The following GPRIN3 variants were observed in gnomAD, a reference collection of about 807,000 sequenced individuals.
The protein encoded by GPRIN3 is GPRIN family member 3.
In GPRIN3, 12 loss-of-function variants were observed where a neutral mutation model predicts 13.7. The ratio of observed to expected loss-of-function variants is 0.87; its 90% CI spans 0.56 to 1.42. The LOEUF is 1.42. Ranked by LOEUF, GPRIN3 falls within the 40% of genes most tolerant of loss-of-function variation. The probability of loss-of-function intolerance (pLI) is 0.00; values close to 1 mark genes in which losing one functional copy is unlikely to be tolerated. For missense variants in GPRIN3, 1,009 were observed against 958.7 expected (o/e 1.05, Z -0.69); for synonymous variants, 377 against 372.7 (o/e 1.01, Z -0.13).
intron 1 of GPRIN3, among the ~76,000 whole-genome samples, chr4:89,301,726 G>C (rs753758406): frequency 6.6e-6 from 1 of 152,264 alleles, no homozygotes; most frequent in Non-Finnish European, 1.5e-5. Context: ...TGCAATTCAA[G>C]TTTTAAAAAA....
intron 1 of GPRIN3, among the ~76,000 whole-genome samples, chr4:89,281,272 C>A (rs899466598): frequency 2.6e-4 from 40 of 152,120 alleles, no homozygotes; most frequent in African/African-American, 8.7e-4. Context: ...TACAGGCACC[C>A]GCCACCACAC....
intron 1 of GPRIN3, among the ~76,000 whole-genome samples, chr4:89,297,845 G>C (rs80012935): frequency 0.014 from 2,120 of 152,306 alleles, 55 homozygotes; most frequent in South Asian, 0.078. Flanking sequence ...GGGTGGAAGA[G>C]CTTCCTGAGA....
At chr4:89,285,075 G>T (rs554474288) in intron 1 of GPRIN3, among the ~76,000 whole-genome samples, 1 of 152,110 alleles carries the variant, frequency 6.6e-6, no homozygotes, top group East Asian at 1.9e-4. Context: ...AGCTCAAGGG[G>T]ACAGACAGCT....
At chr4:89,304,771 CCT>C (rs929805430) in intron 1 of GPRIN3, among the ~76,000 whole-genome samples, 1 of 152,042 alleles carries the variant, frequency 6.6e-6, no homozygotes, top group Admixed American at 6.5e-5. Flanking sequence ...ATTCTTTTCC[CCT>C]GAGCCCTATT....
intron 1 of GPRIN3, among the ~76,000 whole-genome samples, chr4:89,264,429 T>C (rs887370364): frequency 3.3e-5 from 5 of 152,200 alleles, no homozygotes; most frequent in African/African-American, 1.2e-4. Flanking sequence ...GAAATAAACC[T>C]CTTTTCTTAA....
In GPRIN3 at chr4:89,238,564, T is replaced by C; in HGVS notation, c.*9216A>G. The C allele has an allele frequency of 1.5e-5, 2 of 136,130 alleles. No individual in the cohort carries two copies. The highest frequency in any genetic ancestry group is 2.8e-5 in the African/African-American group (1 of 35,548). 8.4% of individuals were successfully genotyped at this position (136,130 alleles called of 1,614,324 possible). On this transcript the variant is annotated 3_prime_UTR_variant, in exon 2 of 2. Coordinates refer to ENST00000609438, the MANE Select transcript of GPRIN3 (RefSeq NM_198281.3). ...CGCCTGTATTTTCACAATGCTCAGC[T>C]CTCATCATTCTCACCAAACAACACA...
rs1465334736 is a variant in GPRIN3, at chr4:89,250,154, G to T, written c.-44C>A. The stretch of plus-strand genomic sequence containing the variant: ...CACTCCAGAGCTCTCTTGAGTACTG[G>T]TCCCACTGGTGGGGGAGGGGAGCGC... On this transcript the variant is annotated 5_prime_UTR_variant, in exon 2 of 2. Coordinates refer to ENST00000609438, the MANE Select transcript of GPRIN3 (RefSeq NM_198281.3). The T allele has an allele frequency of 6.4e-7, 1 of 1,559,938 alleles. No individual in the cohort carries two copies. The highest frequency in any genetic ancestry group is 1.2e-5 in the South Asian group (1 of 82,176).
intron 1 of GPRIN3, among the ~76,000 whole-genome samples, chr4:89,270,589 ATATATATATAT>A (rs1561205713): frequency 4.0e-5 from 5 of 126,582 alleles, no homozygotes; most frequent in African/African-American, 1.8e-4. Context: ...ATATATATAT[ATATATATATAT>A]AAAATATAGA....
In GPRIN3 at chr4:89,238,376, A is replaced by G. The variant is rs973333898; in HGVS notation, c.*9404T>C. ...ATGGCTGGGCTTTCCATCTCCTTCT[A>G]GGAATCCAGACTGCAGGATCCCAGT... On this transcript the variant is annotated 3_prime_UTR_variant, in exon 2 of 2. Transcript: ENST00000609438. 6.6e-6 allele frequency: 1 copy of G among 152,156 alleles called. No individual in the cohort carries two copies. The highest frequency in any genetic ancestry group is 1.5e-5 in the Non-Finnish European group (1 of 68,066). The allele number at this position is 152,156 out of a possible 1,614,324, so 9.4% of individuals were successfully genotyped here. A position where few individuals can be genotyped will look rare whatever the true frequency, so the allele number is the denominator to read the frequency against.
intron 1 of GPRIN3, among the ~76,000 whole-genome samples, chr4:89,279,679 C>A (rs934307536): frequency 2.6e-5 from 4 of 152,230 alleles, no homozygotes; most frequent in African/African-American, 4.8e-5. Context: ...GCCTTCTCTG[C>A]AGCACTCCAT....
intron 1 of GPRIN3, among the ~76,000 whole-genome samples, chr4:89,303,974 A>G (rs1724970979): frequency 6.6e-6 from 1 of 152,092 alleles, no homozygotes; most frequent in African/African-American, 2.4e-5. Context: ...TCTTTTCTAA[A>G]TGATTCTTAA....
At position 89,249,892 on chromosome 4, in the gene GPRIN3, G is replaced by A. The variant is rs758127851; in HGVS notation, c.219C>T (p.Thr73=). The part of the protein sequence containing the change: ...EALMQVCEHE[T]TQPDMSSPGV... Reference sequence around the variant, plus strand: ...CAGGAGAAGACATATCTGGTTGGGTGGTCTCATGCTCACAAACCTGCATCA... The same window carrying A: ...CAGGAGAAGACATATCTGGTTGGGTAGTCTCATGCTCACAAACCTGCATCA... The change falls in exon 2 of 2, where the codon ACC becomes ACT. Residue 73 remains threonine (T), a synonymous_variant. Coordinates refer to ENST00000609438, the MANE Select transcript of GPRIN3 (RefSeq NM_198281.3). The A allele has an allele frequency of 1.2e-6, 2 of 1,614,206 alleles. No individual in the cohort carries two copies. Among genetic ancestry groups the A allele is most frequent in the South Asian group, 2.2e-5 (2 of 91,084 alleles).
At chr4:89,296,763 T>C (rs1007713822) in intron 1 of GPRIN3, among the ~76,000 whole-genome samples, 4 of 152,248 alleles carry the variant, frequency 2.6e-5, no homozygotes, top group South Asian at 2.1e-4. Context: ...GCTGAACATA[T>C]GTGTTACCTG....
intron 1 of GPRIN3, among the ~76,000 whole-genome samples, chr4:89,296,788 T>G (rs991728077): frequency 1.3e-5 from 2 of 152,242 alleles, no homozygotes; most frequent in African/African-American, 4.8e-5. Context: ...TTTGATAAAA[T>G]TTATGTTTGC....
intron 1 of GPRIN3, among the ~76,000 whole-genome samples, chr4:89,293,581 G>A (rs181034453): frequency 7.9e-5 from 12 of 152,302 alleles, no homozygotes; most frequent in Admixed American, 7.2e-4. Flanking sequence ...AGTCCCTTTC[G>A]GGCTGTTCAA....
In GPRIN3 at chr4:89,248,290, C is replaced by T. The variant is rs751620010; in HGVS notation, c.1821G>A (p.Leu607=). 1.9e-6 allele frequency: 3 copies of T among 1,614,192 alleles called. No individual in the cohort carries two copies. Among genetic ancestry groups the T allele is most frequent in the East Asian group, 2.2e-5 (1 of 44,872 alleles). ...TGGAGTCACCCATGGGATCAGATGG[C>T]AGGCTCAGGCTGGTGGCTGTCTTGG... ...RQTKTATSLS[L]PSDPMGDSSP... is the part of the protein sequence containing the mutation. Residue 607 remains leucine, a synonymous_variant, in exon 2 of 2, where the codon CTG becomes CTA. Coordinates refer to ENST00000609438, the MANE Select transcript of GPRIN3 (RefSeq NM_198281.3).
rs769721401 is a variant in GPRIN3, at chr4:89,286,221, AGTT to A, written c.-124+21391_-124+21393del. ...AACAATGGTAGTGAAAGGAGGCAAA[AGTT>A]AGGAGGAGCACCAACTTGCAAAACA... is the stretch of plus-strand genomic sequence containing the variant. On this transcript the variant is annotated intron_variant, in intron 1 of 1. Transcript: ENST00000609438. 4.6e-5 allele frequency among the ~76,000 whole-genome samples: 7 copies of A among 152,234 alleles called. No individual in the cohort carries two copies. In the East Asian group the frequency reaches 1.3e-3, roughly 29 times the overall value.
At chr4:89,256,926 C>T (rs909049295) in intron 1 of GPRIN3, among the ~76,000 whole-genome samples, 2 of 152,208 alleles carry the variant, frequency 1.3e-5, no homozygotes, top group African/African-American at 4.8e-5. Context: ...CATTTGCATT[C>T]TGAACCCAGC....
intron 1 of GPRIN3, among the ~76,000 whole-genome samples, chr4:89,280,473 G>T (rs570373655): frequency 6.1e-4 from 93 of 152,228 alleles, no homozygotes; most frequent in African/African-American, 2.1e-3. Context: ...CTCTTGTTAG[G>T]TCCTCCAGAG....
Sources: gnomAD v4.1 joint callset for allele counts (sites outside exome capture counted in the v4.1 genomes callset) on GRCh38, gnomAD v4.1.1 for gene constraint, MANE v1.5 for transcripts, NCBI Gene and HGNC (gene_info 2026-07-23, HGNC 2026-07-21) for gene names.